Variants in SBNO2 observed in about 807,000 individuals in gnomAD.
SBNO2 encodes the protein protein strawberry notch homolog 2.
SBNO2 carries 89 observed loss-of-function variants against 146.3 expected under a neutral mutation model. The observed-to-expected ratio is 0.61, with a 90% CI of 0.51 to 0.73. The LOEUF is 0.73. Ranked by LOEUF, SBNO2 falls within the 30% of genes least tolerant of loss-of-function variation. The probability of loss-of-function intolerance (pLI) is 0.00; values close to 1 mark genes in which losing one functional copy is unlikely to be tolerated. For synonymous variants in SBNO2, 1,147 were observed against 892.6 expected (o/e 1.29, Z -5.08); for missense variants, 2,092 against 2,003.7 (o/e 1.04, Z -0.84).
In SBNO2 at chr19:1,110,971, T is replaced by C. The variant is rs2145189145; in HGVS notation, c.2884+48A>G. Reference sequence around the variant, plus strand: ...CTCACCACCCGAGGCCAAGGTTGCATGAGATGAGAGACAGGAGCGCCTCTG... The same window carrying C: ...CTCACCACCCGAGGCCAAGGTTGCACGAGATGAGAGACAGGAGCGCCTCTG... On this transcript the variant is annotated intron_variant, in intron 25 of 31. Transcript: ENST00000361757. The surrounding 1 kb of genome is among the most constrained non-coding windows in gnomAD (Gnocchi z 4.9). The C allele has an allele frequency of 6.2e-7, 1 of 1,609,622 alleles. No individual in the cohort carries two copies. Among genetic ancestry groups the C allele is most frequent in the Non-Finnish European group, 8.5e-7 (1 of 1,177,694 alleles).
At chr19:1,165,188 C>G (rs2080400900) in intron 1 of SBNO2, among the ~76,000 whole-genome samples, 3 of 152,146 alleles carry the variant, frequency 2.0e-5, no homozygotes, top group African/African-American at 7.2e-5. Context: ...GACATCTGAC[C>G]CCGCCGTCAG....
chr19:1,133,550 G>A (rs1168179967), intron 4 of SBNO2, among the ~76,000 whole-genome samples: 1 of 152,208 alleles, frequency 6.6e-6, no homozygotes, highest in African/African-American at 2.4e-5. Flanking sequence ...GCAGACTGTC[G>A]CCCACACCCC....
At chr19:1,145,698 G>GAC (rs1568614067) in intron 4 of SBNO2, among the ~76,000 whole-genome samples, 3 of 152,114 alleles carry the variant, frequency 2.0e-5, no homozygotes, top group Non-Finnish European at 2.9e-5. Flanking sequence ...GCCAGCTCTG[G>GAC]ACAGGCGCCT....
intron 16 of SBNO2, 50 bp from the exon 17 acceptor site, chr19:1,116,153 C>T (rs773276038): frequency 1.7e-5 from 27 of 1,546,694 alleles, no homozygotes; most frequent in South Asian, 1.4e-4. Flanking sequence ...TGAGGCCAGG[C>T]GGGGTTGCTC....
In SBNO2 at chr19:1,144,811, C is replaced by T. The variant is rs1234759707; in HGVS notation, c.279+2498G>A. Among the ~76,000 whole-genome samples, 1 of 127,596 alleles carries T rather than the reference C, an allele frequency of 7.8e-6. No homozygotes were observed. Among genetic ancestry groups the T allele is most frequent in the South Asian group, 2.5e-4 (1 of 3,946 alleles). 83.7% of individuals were successfully genotyped at this position (127,596 alleles called of 152,430 possible). On this transcript the variant is annotated intron_variant, in intron 4 of 31. Coordinates refer to ENST00000361757, the MANE Select transcript of SBNO2 (RefSeq NM_014963.3). The surrounding 1 kb of genome is among the most constrained non-coding windows in gnomAD (Gnocchi z 4.1). The stretch of plus-strand genomic sequence containing the variant: ...AGAGACAGAGAGGGAGACAGAGAGA[C>T]AGAGACAGAGAGGGAGACAGAGAGA...
chr19:1,117,281 A>C (rs1223435806), intron 15 of SBNO2, 42 bp downstream of exon 15: 6 of 1,525,298 alleles, frequency 3.9e-6, no homozygotes. Flanking sequence ...CCGCCCCTGC[A>C]GGCCCGGCCG....
chr19:1,148,199 G>A (rs113211741), intron 3 of SBNO2, among the ~76,000 whole-genome samples: 4,232 of 151,988 alleles, frequency 0.028, 180 homozygotes, highest in African/African-American at 0.097. Context: ...GGTTGGAGGC[G>A]GCCCTGGGCA....
chr19:1,125,386 G>A (rs111874963), intron 5 of SBNO2, among the ~76,000 whole-genome samples: 3,520 of 147,158 alleles, frequency 0.024, 145 homozygotes, highest in African/African-American at 0.084. Context: ...AAAAGTGAGC[G>A]TGGGCCGGGC....
intron 4 of SBNO2, among the ~76,000 whole-genome samples, chr19:1,137,208 CT>C (rs1481709786): frequency 1.2e-4 from 12 of 103,508 alleles, no homozygotes; most frequent in African/African-American, 4.8e-4. Context: ...GAGGCTGGCA[CT>C]GGGGTGCAGT....
chr19:1,155,292 C>T (rs1216574026), intron 1 of SBNO2, among the ~76,000 whole-genome samples: 6 of 152,342 alleles, frequency 3.9e-5, no homozygotes, highest in South Asian at 2.1e-4. Context: ...GGGAGAGGCA[C>T]GTCTCTGCCC....
At chr19:1,129,735 G>C (rs2080006810) in intron 4 of SBNO2, among the ~76,000 whole-genome samples, 1 of 152,228 alleles carries the variant, frequency 6.6e-6, no homozygotes, top group African/African-American at 2.4e-5. Context: ...GCCAGGAGCG[G>C]GGGTGAGTTG....
At chr19:1,123,774 C>T in intron 6 of SBNO2, 135 bp from the exon 7 acceptor site, 1 of 1,090,176 alleles carries the variant, frequency 9.2e-7, no homozygotes, top group South Asian at 1.5e-5. Context: ...CTGTCTGCCC[C>T]TGCAGCAAGG....
At chr19:1,131,412 TGGGGAGCTGG>T (rs2080026717) in intron 4 of SBNO2, among the ~76,000 whole-genome samples, 1 of 151,772 alleles carries the variant, frequency 6.6e-6, no homozygotes, top group African/African-American at 2.4e-5. Context: ...TGGGCTGAGG[TGGGGAGCTGG>T]GAGGACCTGG....
rs2080234599 is a variant in SBNO2 at position 1,150,696 on chromosome 19, G to A, written c.94-1254C>T. Among the ~76,000 whole-genome samples the A allele has an allele frequency of 6.6e-6, 1 of 152,150 alleles. No individual in the cohort carries two copies. Among genetic ancestry groups the A allele is most frequent in the Non-Finnish European group, 1.5e-5 (1 of 68,006 alleles). On this transcript the variant is annotated intron_variant, in intron 2 of 31. Transcript: ENST00000361757. The surrounding 1 kb of genome is among the most constrained non-coding windows in gnomAD (Gnocchi z 6.2). ...CTGAGTCCCCCAGTGACCTCTCCCAGGCCCACGTGAGCCCTGCTCCTCTAT... is the reference window on the plus strand; with the variant it reads ...CTGAGTCCCCCAGTGACCTCTCCCAAGCCCACGTGAGCCCTGCTCCTCTAT...
rs370767559 is a variant in SBNO2, at chr19:1,118,385, G to C, written c.1527+626C>G. Among the ~76,000 whole-genome samples the C allele has an allele frequency of 2.0e-5, 3 of 152,188 alleles. No individual in the cohort carries two copies. The East Asian group carries it at 5.8e-4, about 29-fold the overall frequency. On this transcript the variant is annotated intron_variant, in intron 14 of 31. Transcript: ENST00000361757. ...CATCGAACATACAGGGCTGTTGGGC[G>C]TGAGGGGGAGAAAACAGGACCTGTC...
At chr19:1,149,165 A>T (rs568014203) in intron 3 of SBNO2, among the ~76,000 whole-genome samples, 1 of 148,030 alleles carries the variant, frequency 6.8e-6, no homozygotes. Context: ...GAAGCCATGG[A>T]TCACAAAACA....
intron 13 of SBNO2, 105 bp from the exon 14 acceptor site, chr19:1,119,269 GCAGAGCC>G: frequency 7.4e-7 from 1 of 1,355,516 alleles, no homozygotes; most frequent in East Asian, 2.5e-5. Context: ...GTCGGCAGGA[GCAGAGCC>G]CTGGCGGCCA....
intron 4 of SBNO2, 26 bp downstream of exon 4, chr19:1,147,283 G>T: frequency 6.7e-7 from 1 of 1,487,932 alleles, no homozygotes; most frequent in Non-Finnish European, 9.2e-7. Flanking sequence ...GCCCCCCACG[G>T]CGCGGTGAGC....
At chr19:1,161,460 G>A (rs1599879215) in intron 1 of SBNO2, among the ~76,000 whole-genome samples, 1 of 96,252 alleles carries the variant, frequency 1.0e-5, no homozygotes, top group Non-Finnish European at 2.1e-5. Flanking sequence ...TACTGGGGGT[G>A]GAGGTGGGGG....
Sources: allele counts gnomAD v4.1 joint callset (sites outside exome capture counted in the v4.1 genomes callset), GRCh38; gene constraint gnomAD v4.1.1; non-coding constraint Gnocchi (gnomAD v3.1); transcripts MANE v1.5; gene names NCBI Gene and HGNC (gene_info 2026-07-23, HGNC 2026-07-21).